SLC35H1: variants seen among roughly 807,000 people sequenced by gnomAD.
The protein encoded by SLC35H1 is ovarian cancer-overexpressed gene 1 protein.
the SLC35H1 span, chr20:46,352,368 T>C: frequency 5.4e-6 from 4 of 746,726 alleles, no homozygotes; most frequent in Non-Finnish European, 8.7e-6. Flanking sequence ...AGAAAAAGCA[T>C]GGAAGGTATA....
the SLC35H1 span, chr20:46,354,903 G>A: frequency 6.2e-7 from 1 of 1,610,608 alleles, no homozygotes; most frequent in Non-Finnish European, 8.5e-7. Context: ...GCAAAGAGAG[G>A]GAAGAGCCCC....
the SLC35H1 span, among the ~76,000 whole-genome samples, chr20:46,353,599 A>G: frequency 6.6e-6 from 1 of 152,354 alleles, no homozygotes; most frequent in East Asian, 1.9e-4. Context: ...TGCTGGGCTC[A>G]GCAGAACTGC....
At chr20:46,352,024 G>A in the SLC35H1 span, 1 of 1,611,694 alleles carries the variant, frequency 6.2e-7, no homozygotes. Flanking sequence ...CTCTAAGACA[G>A]GACTGGCATC....
the SLC35H1 span, chr20:46,349,529 T>G: frequency 2.0e-5 from 3 of 152,286 alleles, no homozygotes; most frequent in South Asian, 4.1e-4. Flanking sequence ...TTAAAAGGAT[T>G]AAAAGAAATG....
the SLC35H1 span, chr20:46,358,666 G>A: frequency 5.2e-6 from 8 of 1,551,994 alleles, no homozygotes; most frequent in Non-Finnish European, 7.0e-6. Flanking sequence ...GGAACCATCA[G>A]CAGAGCCCCA....
chr20:46,363,777 C>T, the SLC35H1 span, among the ~76,000 whole-genome samples: 3 of 152,358 alleles, frequency 2.0e-5, no homozygotes, highest in Admixed American at 2.0e-4. Flanking sequence ...ACAGATCATG[C>T]CCTAAGGCTA....
At chr20:46,363,129 T>G in the SLC35H1 span, 1 of 152,290 alleles carries the variant, frequency 6.6e-6, no homozygotes, top group Non-Finnish European at 1.5e-5. Flanking sequence ...AAACCTTCTC[T>G]TGGGTGCCAC....
chr20:46,349,115 G>C, the SLC35H1 span: 3 of 152,386 alleles, frequency 2.0e-5, no homozygotes, highest in Admixed American at 1.3e-4. Context: ...CTGGATAGCC[G>C]TGGCAGGGCA....
chr20:46,350,824 C>T, the SLC35H1 span: 2 of 1,614,100 alleles, frequency 1.2e-6, no homozygotes, highest in Non-Finnish European at 1.7e-6. Flanking sequence ...AGGGCGAAGC[C>T]CAGCCAGTTC....
At chr20:46,357,529 T>C in the SLC35H1 span, 1 of 1,443,764 alleles carries the variant, frequency 6.9e-7, no homozygotes, top group South Asian at 1.3e-5. Context: ...GGGGAGGGAC[T>C]TGGCTTCCAG....
chr20:46,359,831 C>T, the SLC35H1 span, among the ~76,000 whole-genome samples: 1 of 152,140 alleles, frequency 6.6e-6, no homozygotes, highest in Non-Finnish European at 1.5e-5. Context: ...CGAAGCCTTC[C>T]TAGGCTTCAC....
At chr20:46,350,126 A>G in the SLC35H1 span, 17 of 293,196 alleles carry the variant, frequency 5.8e-5, no homozygotes, top group African/African-American at 3.3e-4. Flanking sequence ...AGTGGTGGGA[A>G]GAACCAGCCC....
At chr20:46,353,556 A>C in the SLC35H1 span, among the ~76,000 whole-genome samples, 2 of 152,208 alleles carry the variant, frequency 1.3e-5, no homozygotes, top group African/African-American at 4.8e-5. Flanking sequence ...CCCCCAGGCA[A>C]AACAGCCTCA....
At chr20:46,352,626 G>A in the SLC35H1 span, 2 of 175,840 alleles carry the variant, frequency 1.1e-5, no homozygotes, top group African/African-American at 2.5e-5. Flanking sequence ...ATGACGATGG[G>A]ATCCTAGCGG....
chr20:46,363,296 T>G, the SLC35H1 span: 40 of 152,316 alleles, frequency 2.6e-4, no homozygotes, highest in African/African-American at 9.4e-4. Flanking sequence ...CATAATCTCA[T>G]CCTACCCAAT....
the SLC35H1 span, chr20:46,350,511 G>A: frequency 1.9e-6 from 3 of 1,602,000 alleles, no homozygotes; most frequent in Non-Finnish European, 2.6e-6. Flanking sequence ...TCAAGGCCTT[G>A]GGGCCACCAT....
chr20:46,360,043 G>A, the SLC35H1 span, among the ~76,000 whole-genome samples: 4 of 152,182 alleles, frequency 2.6e-5, no homozygotes, highest in Non-Finnish European at 2.9e-5. Context: ...ATATGCTCCT[G>A]GCGTTCAGTA....
chr20:46,364,154 C>T, the SLC35H1 span: 1 of 152,310 alleles, frequency 6.6e-6, no homozygotes, highest in South Asian at 2.1e-4. Flanking sequence ...CAGGAAATAC[C>T]AGATGAGCCG....
the SLC35H1 span, chr20:46,346,434 T>G: frequency 6.6e-6 from 1 of 152,010 alleles, no homozygotes; most frequent in African/African-American, 2.4e-5. Flanking sequence ...ATTTGGAAGT[T>G]AGAACCTGTA....
Sources: allele counts gnomAD v4.1 joint callset (sites outside exome capture counted in the v4.1 genomes callset), GRCh38; gene constraint gnomAD v4.1.1; transcripts MANE v1.5; gene names NCBI Gene and HGNC (gene_info 2026-07-23, HGNC 2026-07-21).